Variants in MYH11 observed in about 807,000 individuals in gnomAD.
MYH11 encodes myosin-11.
A neutral mutation model predicts 246.6 loss-of-function variants in MYH11; 80 were observed. That is an observed-to-expected ratio of 0.32 (90% CI 0.27 to 0.39). MYH11 has a LOEUF of 0.39. MYH11 is among the 10% of genes least tolerant of loss of function. MYH11 has a pLI of 1.00. For missense variants in MYH11, 2,158 were observed against 2,546.8 expected, an observed-to-expected ratio of 0.85 and a Z score of 3.29; for synonymous variants, 1,071 against 1,015.5, an observed-to-expected ratio of 1.05 and a Z score of -1.04.
At chr16:15,842,811 C>G (rs992603220) in intron 1 of MYH11, among the ~76,000 whole-genome samples, 1 of 143,150 alleles carries the variant, frequency 7.0e-6, no homozygotes, top group African/African-American at 2.6e-5. Flanking sequence ...ATGAGGAAAT[C>G]CCATCTAAAT....
chr16:15,856,343 A>C (rs532760060), intron 1 of MYH11, among the ~76,000 whole-genome samples: 113 of 151,454 alleles, frequency 7.5e-4, no homozygotes, highest in African/African-American at 1.7e-3. Context: ...TAAAAAAAAA[A>C]AACAACAACA....
intron 1 of MYH11, among the ~76,000 whole-genome samples, chr16:15,844,653 C>T (rs1274485196): frequency 2.0e-5 from 3 of 151,486 alleles, no homozygotes; most frequent in African/African-American, 4.9e-5. Flanking sequence ...CCCAGGAGTT[C>T]GAGACCAGAC....
At chr16:15,824,860 A>G (rs1277907938) in intron 2 of MYH11, among the ~76,000 whole-genome samples, 1 of 152,086 alleles carries the variant, frequency 6.6e-6, no homozygotes, top group Non-Finnish European at 1.5e-5. Context: ...CTTCACAACT[A>G]CTCAGTAACA....
At chr16:15,734,940 G>T (rs894214853) in intron 26 of MYH11, among the ~76,000 whole-genome samples, 4 of 152,048 alleles carry the variant, frequency 2.6e-5, no homozygotes, top group African/African-American at 4.8e-5. Context: ...AGCAGTTTGG[G>T]AGGCGGAAGT....
chr16:15,773,064 C>G (rs938364665), intron 8 of MYH11, among the ~76,000 whole-genome samples: 4 of 152,042 alleles, frequency 2.6e-5, no homozygotes, highest in Non-Finnish European at 5.9e-5. Flanking sequence ...CCCACACCAT[C>G]CCCCCAACCC....
At chr16:15,855,428 G>A (rs961440555) in intron 1 of MYH11, among the ~76,000 whole-genome samples, 1 of 152,174 alleles carries the variant, frequency 6.6e-6, no homozygotes, top group Admixed American at 6.5e-5. Context: ...TTGTGTCCAT[G>A]GTAAAGAAGA....
Position 15,724,917 on chromosome 16 carries a change from A to G in MYH11, c.3934T>C (p.Ser1312Pro), listed in dbSNP as rs766001513. The change falls in exon 29 of 41, where the codon TCC (serine) becomes CCC (proline). Residue 1312 changes from serine (S) to proline (P), a missense_variant. By Grantham distance (74) the Ser-to-Pro change is moderately conservative. Around this residue, in one of 11 missense-constraint regions of MYH11, gnomAD observed 1,013 missense variants for 993.5 expected, o/e 1.02. Coordinates refer to ENST00000300036, the MANE Select transcript of MYH11 (RefSeq NM_002474.3). ...GTGTCCTGGAGCTGGGAACTGAGGG[A>G]CGCCACGTCCTTGGCCAGCTTAATG... Reference protein sequence around the residue: ...KAIKLAKDVASLSSQLQDTQE... With the variant: ...KAIKLAKDVAPLSSQLQDTQE... 5.6e-6 allele frequency: 9 copies of G among 1,614,124 alleles called. No individual in the cohort carries two copies. Among genetic ancestry groups the G allele is most frequent in the Non-Finnish European group, 7.6e-6 (9 of 1,180,020 alleles).
At chr16:15,757,711 G>T in intron 13 of MYH11, 116 bp downstream of exon 13, 2 of 1,319,284 alleles carry the variant, frequency 1.5e-6, no homozygotes, top group Non-Finnish European at 2.1e-6. Context: ...CTGGGTGATG[G>T]ATTGGGTGGG....
At chr16:15,798,928 G>A (rs1004202262) in intron 3 of MYH11, among the ~76,000 whole-genome samples, 1 of 152,184 alleles carries the variant, frequency 6.6e-6, no homozygotes, top group Non-Finnish European at 1.5e-5. Context: ...ACTGATCCAG[G>A]AGTCATTAGC....
intron 3 of MYH11, among the ~76,000 whole-genome samples, chr16:15,822,263 G>C (rs1438414768): frequency 6.6e-6 from 1 of 152,206 alleles, no homozygotes; most frequent in African/African-American, 2.4e-5. Context: ...TTCAGAGGGG[G>C]TGTGAGTTTT....
At chr16:15,716,721 C>T (rs1011848698) in intron 38 of MYH11, among the ~76,000 whole-genome samples, 2 of 152,124 alleles carry the variant, frequency 1.3e-5, no homozygotes, top group African/African-American at 4.8e-5. Context: ...ACCATGTTGG[C>T]CAGGCCGGTC....
chr16:15,839,088 T>G (rs149092169), intron 1 of MYH11, among the ~76,000 whole-genome samples: 31 of 151,780 alleles, frequency 2.0e-4, no homozygotes, highest in African/African-American at 7.0e-4. Flanking sequence ...CGCACACCTG[T>G]AGTCTCAGCT....
chr16:15,760,072 G>A (rs2041832963), intron 11 of MYH11, among the ~76,000 whole-genome samples: 1 of 151,558 alleles, frequency 6.6e-6, no homozygotes, highest in Non-Finnish European at 1.5e-5. Flanking sequence ...ACCCCCCCCT[G>A]GGCAACAGAG....
At chr16:15,748,680 ATCATGGCTCACTGCAGCC>A (rs1567725145) in intron 16 of MYH11, among the ~76,000 whole-genome samples, 1 of 152,062 alleles carries the variant, frequency 6.6e-6, no homozygotes, top group Non-Finnish European at 1.5e-5. Flanking sequence ...CAGTGGTGCG[ATCATGGCTCACTGCAGCC>A]TCAAACTCCT....
chr16:15,776,373 A>G (rs1190439143), intron 7 of MYH11, among the ~76,000 whole-genome samples, 197 bp from the exon 8 acceptor site: 17 of 152,196 alleles, frequency 1.1e-4, no homozygotes, highest in Admixed American at 1.1e-3. Flanking sequence ...AGATGCAAAA[A>G]AAAGGGAGGG....
chr16:15,768,191 C>G (rs1387886617), intron 9 of MYH11, among the ~76,000 whole-genome samples: 1 of 152,232 alleles, frequency 6.6e-6, no homozygotes. Context: ...TTACACCTCT[C>G]TTCTTGCTGA....
chr16:15,716,957 G>C lies in MYH11; in HGVS notation c.5504+183C>G, dbSNP rs139701885. Among the ~76,000 whole-genome samples, 29 of 152,324 alleles carry C rather than the reference G, an allele frequency of 1.9e-4. No individual in the cohort carries two copies. In the East Asian group the frequency reaches 5.2e-3, roughly 27 times the overall value. ...ACTTTAGGTGCTTGCCCTAGGCCAGGAACCAGCAGGGCACTTTGCTGTGTT... is the reference window on the plus strand; with the variant it reads ...ACTTTAGGTGCTTGCCCTAGGCCAGCAACCAGCAGGGCACTTTGCTGTGTT... On this transcript the variant is annotated intron_variant, in intron 38 of 40. Transcript: ENST00000300036.
In MYH11 at chr16:15,759,582, G is replaced by T. The variant is rs1173024640; in HGVS notation, c.1395C>A (p.Ile465=). ...GGATCCCACCGAGCTGTACCTCAAA[G>T]ATCTCAAATCCAGCTATATCCAGGA... The part of the protein sequence containing the change: ...LGILDIAGFE[I]FEVNSFEQLC... The change falls in exon 12 of 41, where the codon ATC becomes ATA. Residue 465 remains isoleucine, a synonymous_variant. Coordinates refer to ENST00000300036, the MANE Select transcript of MYH11 (RefSeq NM_002474.3). 1.2e-6 allele frequency: 2 copies of T among 1,614,158 alleles called. No homozygotes were observed. Among genetic ancestry groups the T allele is most frequent in the East Asian group, 2.2e-5 (1 of 44,884 alleles).
intron 4 of MYH11, among the ~76,000 whole-genome samples, chr16:15,797,578 C>T (rs980355476): frequency 3.4e-5 from 5 of 147,912 alleles, no homozygotes; most frequent in African/African-American, 1.2e-4. Context: ...AAATATAATA[C>T]ATATTATATA....
Sources: allele counts gnomAD v4.1 joint callset (sites outside exome capture counted in the v4.1 genomes callset), GRCh38; gene constraint gnomAD v4.1.1; regional missense constraint gnomAD v4.1.1; transcripts MANE v1.5; gene names NCBI Gene and HGNC (gene_info 2026-07-23, HGNC 2026-07-21).